Variants in SERPINB9 observed in about 807,000 individuals in gnomAD.
SERPINB9 encodes serpin family B member 9, also known as serpin B9.
Under a neutral mutation model 27.2 loss-of-function variants are expected in SERPINB9, and 20 were observed. The ratio of observed to expected loss-of-function variants is 0.74; its 90% CI spans 0.52 to 1.07. The LOEUF (loss-of-function observed/expected upper bound fraction) is 1.07. Among genes scored for constraint, SERPINB9 ranks in the 50% least tolerant of loss-of-function variants. The pLI is 0.00. For synonymous variants in SERPINB9, 189 were observed against 180.0 expected (o/e 1.05, Z -0.40); for missense variants, 476 against 460.1 (o/e 1.03, Z -0.32).
chr6:2,893,837 A>G (rs1313504328), intron 4 of SERPINB9, among the ~76,000 whole-genome samples: 3 of 152,324 alleles, frequency 2.0e-5, no homozygotes, highest in Non-Finnish European at 4.4e-5. Context: ...CAAGACCAGC[A>G]GGAAATGTGA....
intron 2 of SERPINB9, among the ~76,000 whole-genome samples, chr6:2,896,435 C>G (rs751735264): frequency 6.6e-6 from 1 of 151,134 alleles, no homozygotes; most frequent in Non-Finnish European, 1.5e-5. Flanking sequence ...GGAAAATTAC[C>G]TCTAAAATTT....
chr6:2,892,104 C>CAAAA, intron 5 of SERPINB9, 116 bp from the exon 6 acceptor site: 1 of 79,180 alleles, frequency 1.3e-5, no homozygotes, highest in Non-Finnish European at 1.9e-5. Context: ...CCAGTTAACA[C>CAAAA]TAAAAAAAAA....
At chr6:2,895,540 A>C in intron 3 of SERPINB9, 32 bp from the exon 4 acceptor site, 1 of 1,382,864 alleles carries the variant, frequency 7.2e-7, no homozygotes, top group Non-Finnish European at 1.0e-6. Flanking sequence ...GTGAGGCTGC[A>C]TTGCTAAATA....
intron 1 of SERPINB9, 112 bp from the exon 2 acceptor site, chr6:2,900,733 G>T: frequency 3.1e-6 from 3 of 977,804 alleles, no homozygotes; most frequent in Non-Finnish European, 4.6e-6. Flanking sequence ...CTTAAAGTTC[G>T]TAAGTATTTT....
In SERPINB9 at chr6:2,890,845, T is replaced by C. The variant is rs917210183; in HGVS notation, c.724-275A>G. 6.6e-6 allele frequency among the ~76,000 whole-genome samples: 1 copy of C among 152,140 alleles called. No homozygotes were observed. The highest frequency in any genetic ancestry group is 1.5e-5 in the Non-Finnish European group (1 of 68,026). ...CAACAACTCCAGAGACATCTTGTAT[T>C]GTGACAAGTGTCAATGCCCAGGCGA... On this transcript the variant is annotated intron_variant, in intron 6 of 6. Coordinates refer to ENST00000380698, the MANE Select transcript of SERPINB9 (RefSeq NM_004155.6). This position sits in a 1 kb window ranked among gnomAD's most constrained non-coding sequence, Gnocchi z 6.2.
rs1203953647 is a variant in SERPINB9 at position 2,894,527 on chromosome 6, A to C, written c.424+864T>G. Among the ~76,000 whole-genome samples the C allele has an allele frequency of 4.6e-5, 7 of 152,208 alleles. 1 individual carries two copies. The highest frequency in any genetic ancestry group is 1.0e-4 in the Non-Finnish European group (7 of 68,038). On this transcript the variant is annotated intron_variant, in intron 4 of 6. Transcript: ENST00000380698. This position sits in a 1 kb window ranked among gnomAD's most constrained non-coding sequence, Gnocchi z 4.7. ...GTCAAACTAAAGGAGCTTAAGTGGA[A>C]GACATGAAAAGTCAGGAGTGACCTT...
At position 2,892,001 on chromosome 6, in the gene SERPINB9, T is replaced by A; in HGVS notation, c.568-13A>T. 1.2e-6 allele frequency: 2 copies of A among 1,610,894 alleles called. No homozygotes were observed. Among genetic ancestry groups the A allele is most frequent in the Non-Finnish European group, 1.7e-6 (2 of 1,179,546 alleles). On this transcript the variant is annotated splice_polypyrimidine_tract_variant and intron_variant, in intron 5 of 6. Coordinates refer to ENST00000380698, the MANE Select transcript of SERPINB9 (RefSeq NM_004155.6). The stretch of plus-strand genomic sequence containing the variant: ...GCCTTTGCTCCTCCTGGGGGAAGGA[T>A]TATTGAAAGACGCAATTAAAACTTT...
Position 2,894,265 on chromosome 6 carries a change from G to T in SERPINB9, c.425-712C>A, listed in dbSNP as rs950765748. ...CGAAGAACGTCTCCCATTCTTTACC[G>T]TCTCATTTATTCACAGAAATGGAAA... On this transcript the variant is annotated intron_variant, in intron 4 of 6. Coordinates refer to ENST00000380698, the MANE Select transcript of SERPINB9 (RefSeq NM_004155.6). The surrounding 1 kb of genome is among the most constrained non-coding windows in gnomAD (Gnocchi z 4.7). 6.6e-6 allele frequency among the ~76,000 whole-genome samples: 1 copy of T among 152,138 alleles called. No individual in the cohort carries two copies. Among genetic ancestry groups the T allele is most frequent in the African/African-American group, 2.4e-5 (1 of 41,430 alleles).
chr6:2,900,073 C>T (rs1287816904), intron 2 of SERPINB9: 4 of 362,654 alleles, frequency 1.1e-5, no homozygotes, highest in Non-Finnish European at 2.2e-5. Flanking sequence ...ACCTTCCTTA[C>T]CAATGAAAGT....
At chr6:2,902,010 A>G (rs73718377) in intron 1 of SERPINB9, among the ~76,000 whole-genome samples, 3,398 of 152,074 alleles carry the variant, frequency 0.022, 121 homozygotes, top group African/African-American at 0.078. Context: ...TAAATCTCCC[A>G]GGGGCCCTTA....
chr6:2,900,068 C>T (rs1768142969), intron 2 of SERPINB9: 3 of 364,334 alleles, frequency 8.2e-6, no homozygotes, highest in Non-Finnish European at 1.6e-5. Flanking sequence ...TATTAACCTT[C>T]CTTACCAATG....
At chr6:2,897,004 T>G (rs992773120) in intron 2 of SERPINB9, among the ~76,000 whole-genome samples, 1 of 151,292 alleles carries the variant, frequency 6.6e-6, no homozygotes, top group African/African-American at 2.4e-5. Flanking sequence ...TGTGTGCCTG[T>G]GGTCCCAGCT....
chr6:2,891,745 C>A lies in SERPINB9; in HGVS notation c.723+88G>T, dbSNP rs537945590. 170 of 1,462,648 alleles carry A rather than the reference C, an allele frequency of 1.2e-4. No homozygotes were observed. Among genetic ancestry groups the A allele is most frequent in the Non-Finnish European group, 1.5e-4 (165 of 1,098,380 alleles). 90.6% of individuals were successfully genotyped at this position (1,462,648 alleles called of 1,614,324 possible). A position where few individuals can be genotyped will look rare whatever the true frequency, so the allele number is the denominator to read the frequency against. ...CAGTGTGCGTCTGCCGCATCGCCAA[C>A]TCAGAAGGTGAATATGAGAGGTGGA... On this transcript the variant is annotated intron_variant, in intron 6 of 6. Transcript: ENST00000380698. This position sits in a 1 kb window ranked among gnomAD's most constrained non-coding sequence, Gnocchi z 4.0.
rs1284281470 is a variant in SERPINB9 at position 2,891,270 on chromosome 6, C to A, written c.723+563G>T. Among the ~76,000 whole-genome samples, 2 of 152,200 alleles carry A rather than the reference C, an allele frequency of 1.3e-5. No homozygotes were observed. Among genetic ancestry groups the A allele is most frequent in the Non-Finnish European group, 2.9e-5 (2 of 68,034 alleles). On this transcript the variant is annotated intron_variant, in intron 6 of 6. Coordinates refer to ENST00000380698, the MANE Select transcript of SERPINB9 (RefSeq NM_004155.6). This position sits in a 1 kb window ranked among gnomAD's most constrained non-coding sequence, Gnocchi z 4.0. ...CACCCTCTGAGAACTGGACTTCACACCTCCCTGGATGCCCCCTCCCAGCCT... is the reference window on the plus strand; with the variant it reads ...CACCCTCTGAGAACTGGACTTCACAACTCCCTGGATGCCCCCTCCCAGCCT...
rs777053784 is a variant in SERPINB9, at chr6:2,891,811, C to T, written c.723+22G>A. The T allele has an allele frequency of 1.3e-5, 20 of 1,569,350 alleles. No homozygotes were observed. The highest frequency in any genetic ancestry group is 1.6e-5 in the Non-Finnish European group (19 of 1,164,778). On this transcript the variant is annotated intron_variant, in intron 6 of 6. Coordinates refer to ENST00000380698, the MANE Select transcript of SERPINB9 (RefSeq NM_004155.6). This position sits in a 1 kb window ranked among gnomAD's most constrained non-coding sequence, Gnocchi z 4.0. Reference sequence around the variant, plus strand: ...CTGCCCGCAAAGGTGTCCCTGGGTTCTTCCCGCAGCCCGGGTCTTACCGTG... The same window carrying T: ...CTGCCCGCAAAGGTGTCCCTGGGTTTTTCCCGCAGCCCGGGTCTTACCGTG...
In SERPINB9 at chr6:2,892,687, C is replaced by A. The variant is rs1316682068; in HGVS notation, c.568-699G>T. 2.0e-5 allele frequency among the ~76,000 whole-genome samples: 3 copies of A among 152,114 alleles called. No individual in the cohort carries two copies. In the South Asian group the frequency reaches 6.2e-4, roughly 32 times the overall value. ...CAGGGTTAGAATTCTCCTCCTCCCA[C>A]CCTTTGCAACTAGAGAACTAATTTT... On this transcript the variant is annotated intron_variant, in intron 5 of 6. Transcript: ENST00000380698.
intron 2 of SERPINB9, among the ~76,000 whole-genome samples, chr6:2,898,931 A>AT (rs958292083): frequency 2.0e-5 from 3 of 152,110 alleles, no homozygotes; most frequent in Admixed American, 6.5e-5. Context: ...TTTTTTAAAA[A>AT]TTTTTATAGT....
intron 2 of SERPINB9, among the ~76,000 whole-genome samples, chr6:2,897,229 G>A (rs1214090517): frequency 1.3e-5 from 2 of 152,288 alleles, no homozygotes; most frequent in Middle Eastern, 3.4e-3. Context: ...ACTTTGGGGG[G>A]CCGAGGCGGG....
chr6:2,897,963 G>C (rs537357159), intron 2 of SERPINB9, among the ~76,000 whole-genome samples: 2 of 152,104 alleles, frequency 1.3e-5, no homozygotes, highest in African/African-American at 2.4e-5. Flanking sequence ...CCAGCTACTC[G>C]GGAGGCTGAG....
Sources: allele counts gnomAD v4.1 joint callset (sites outside exome capture counted in the v4.1 genomes callset), GRCh38; gene constraint gnomAD v4.1.1; non-coding constraint Gnocchi (gnomAD v3.1); transcripts MANE v1.5; gene names NCBI Gene and HGNC (gene_info 2026-07-23, HGNC 2026-07-21).